NXPH2: variants seen among roughly 807,000 people sequenced by gnomAD.
NXPH2 encodes the protein neurexophilin 2, also known as neurexophilin-2.
NXPH2 carries 5 observed loss-of-function variants against 19.8 expected under a neutral mutation model. The observed-to-expected ratio is 0.25, with a 90% CI of 0.13 to 0.53. The LOEUF (loss-of-function observed/expected upper bound fraction) is 0.53. Ranked by LOEUF, NXPH2 falls within the 20% of genes least tolerant of loss-of-function variation. The pLI is 0.96. For synonymous variants in NXPH2, 154 were observed against 127.4 expected, an observed-to-expected ratio of 1.21 and a Z score of -1.41; for missense variants, 289 against 322.8, an observed-to-expected ratio of 0.90 and a Z score of 0.80.
intron 1 of NXPH2, among the ~76,000 whole-genome samples, chr2:138,683,200 G>T: frequency 6.6e-6 from 1 of 152,134 alleles, no homozygotes; most frequent in East Asian, 1.9e-4. Context: ...TACTGCTTTT[G>T]TTGCTAAGGA....
chr2:138,730,670 T>C (rs1162350964), intron 1 of NXPH2, among the ~76,000 whole-genome samples: 7 of 152,172 alleles, frequency 4.6e-5, no homozygotes, highest in Non-Finnish European at 1.0e-4. Context: ...TCAGACATGA[T>C]CAAAGTTCTA....
intron 1 of NXPH2, among the ~76,000 whole-genome samples, chr2:138,681,408 C>A (rs576522989): frequency 1.2e-4 from 18 of 152,254 alleles, no homozygotes; most frequent in African/African-American, 4.3e-4. Flanking sequence ...TTTCAGATTT[C>A]TGTGTTTATA....
chr2:138,687,644 G>T (rs13399208), intron 1 of NXPH2, among the ~76,000 whole-genome samples: 4,909 of 152,214 alleles, frequency 0.032, 273 homozygotes, highest in African/African-American at 0.11. Context: ...AAAACTCTAG[G>T]TTTTCTTATA....
intron 1 of NXPH2, among the ~76,000 whole-genome samples, chr2:138,755,479 T>C (rs542225381): frequency 6.6e-6 from 1 of 152,282 alleles, no homozygotes; most frequent in Admixed American, 6.5e-5. Context: ...CAGCTGACTA[T>C]ATTTGTGCAG....
At chr2:138,673,929 T>C (rs191931408) in intron 1 of NXPH2, among the ~76,000 whole-genome samples, 234 of 152,204 alleles carry the variant, frequency 1.5e-3, no homozygotes, top group Non-Finnish European at 2.6e-3. Context: ...TACATATGGG[T>C]GAGAATATGT....
chr2:138,687,144 G>C (rs1229755451), intron 1 of NXPH2, among the ~76,000 whole-genome samples: 1 of 152,154 alleles, frequency 6.6e-6, no homozygotes, highest in African/African-American at 2.4e-5. Context: ...TTCCACAATG[G>C]TTGAACTAGT....
intron 1 of NXPH2, among the ~76,000 whole-genome samples, chr2:138,748,975 G>A (rs1200106360): frequency 6.6e-6 from 1 of 152,168 alleles, no homozygotes; most frequent in African/African-American, 2.4e-5. Context: ...AATTTCTTAT[G>A]ACTTTACTTC....
At chr2:138,727,953 G>C (rs548339284) in intron 1 of NXPH2, among the ~76,000 whole-genome samples, 1 of 152,142 alleles carries the variant, frequency 6.6e-6, no homozygotes, top group African/African-American at 2.4e-5. Context: ...GGCTGCCAGG[G>C]TACCAATCCT....
intron 1 of NXPH2, among the ~76,000 whole-genome samples, chr2:138,683,984 AC>A (rs1235543834): frequency 5.3e-5 from 8 of 152,232 alleles, no homozygotes; most frequent in African/African-American, 1.9e-4. Context: ...CAGTTTACAA[AC>A]TATAAAATAT....
chr2:138,721,856 A>G (rs1681283918), intron 1 of NXPH2, among the ~76,000 whole-genome samples: 1 of 152,234 alleles, frequency 6.6e-6, no homozygotes, highest in Admixed American at 6.5e-5. Flanking sequence ...CAGGATTTAG[A>G]TGCAGCAGGT....
chr2:138,735,896 T>C (rs1357006864), intron 1 of NXPH2, among the ~76,000 whole-genome samples: 2 of 152,226 alleles, frequency 1.3e-5, no homozygotes, highest in Non-Finnish European at 2.9e-5. Context: ...ACCAGCCCCA[T>C]GCAAGTCCAA....
At chr2:138,697,812 TA>T (rs1478331675) in intron 1 of NXPH2, among the ~76,000 whole-genome samples, 15 of 152,032 alleles carry the variant, frequency 9.9e-5, no homozygotes, top group Non-Finnish European at 1.5e-4. Context: ...TAACATTTAA[TA>T]AAAATTTCAA....
At chr2:138,672,972 T>C (rs2104963852) in intron 1 of NXPH2, among the ~76,000 whole-genome samples, 1 of 152,318 alleles carries the variant, frequency 6.6e-6, no homozygotes, top group East Asian at 1.9e-4. Context: ...TTGTGAAAAG[T>C]GTTTCCACCT....
intron 1 of NXPH2, among the ~76,000 whole-genome samples, chr2:138,717,332 A>C (rs954810535): frequency 6.6e-6 from 1 of 152,046 alleles, no homozygotes; most frequent in Non-Finnish European, 1.5e-5. Context: ...TCTCAAGGCA[A>C]CTGTCTTAGT....
At chr2:138,724,350 A>G (rs1042122838) in intron 1 of NXPH2, among the ~76,000 whole-genome samples, 2 of 152,236 alleles carry the variant, frequency 1.3e-5, no homozygotes, top group Non-Finnish European at 2.9e-5. Context: ...TTTTCTGCCA[A>G]TCAGTATCAT....
At chr2:138,734,795 A>G (rs1292264096) in intron 1 of NXPH2, among the ~76,000 whole-genome samples, 2 of 152,216 alleles carry the variant, frequency 1.3e-5, no homozygotes, top group Non-Finnish European at 2.9e-5. Flanking sequence ...TGATAGAACC[A>G]TTTGCAAAGA....
intron 1 of NXPH2, among the ~76,000 whole-genome samples, chr2:138,773,356 T>G (rs1246759860): frequency 6.6e-6 from 1 of 152,182 alleles, no homozygotes; most frequent in Non-Finnish European, 1.5e-5. Flanking sequence ...GTTTGAACTA[T>G]CCAAGTGCAA....
At chr2:138,747,825 A>T (rs1465282281) in intron 1 of NXPH2, among the ~76,000 whole-genome samples, 1 of 152,144 alleles carries the variant, frequency 6.6e-6, no homozygotes. Context: ...GATATCAACC[A>T]TCTCTCCAGA....
At chr2:138,728,541 A>G (rs912969400) in intron 1 of NXPH2, among the ~76,000 whole-genome samples, 9 of 152,204 alleles carry the variant, frequency 5.9e-5, no homozygotes, top group Admixed American at 1.3e-4. Flanking sequence ...ATCTCGATAA[A>G]TGTTAGCTAT....
Sources: gnomAD v4.1 joint callset for allele counts (sites outside exome capture counted in the v4.1 genomes callset) on GRCh38, gnomAD v4.1.1 for gene constraint, MANE v1.5 for transcripts, NCBI Gene and HGNC (gene_info 2026-07-23, HGNC 2026-07-21) for gene names.